The following NUDT5 variants were observed in gnomAD, a reference collection of about 807,000 sequenced individuals.
NUDT5 encodes the protein nudix hydrolase 5.
NUDT5 carries 21 observed loss-of-function variants against 34.1 expected under a neutral mutation model. The ratio of observed to expected loss-of-function variants is 0.62; its 90% CI spans 0.44 to 0.89. The LOEUF (loss-of-function observed/expected upper bound fraction) is 0.89, where lower values mean the gene tolerates loss of function less well. NUDT5 is among the 40% of genes least tolerant of loss of function. The pLI is 0.00. For synonymous variants in NUDT5, 85 were observed against 97.6 expected (o/e 0.87, Z 0.76); for missense variants, 249 against 274.8 (o/e 0.91, Z 0.66).
chr10:12,170,012 G>T lies in NUDT5; in HGVS notation c.550+705C>A. 2 of 1,087,008 alleles carry T rather than the reference G, an allele frequency of 1.8e-6. No individual in the cohort carries two copies. The highest frequency in any genetic ancestry group is 1.4e-5 in the South Asian group (1 of 72,712). The allele number at this position is 1,087,008 out of a possible 1,614,324, so 67.3% of individuals were successfully genotyped here. The stretch of plus-strand genomic sequence containing the variant: ...AAAGGGATTTGCCAGCCCATACAGA[G>T]GTGCTCCTTGAAGGGCCCATGGTAT... On this transcript the variant is annotated intron_variant, in intron 9 of 9. Coordinates refer to ENST00000491614, the MANE Select transcript of NUDT5 (RefSeq NM_014142.4). This position sits in a 1 kb window ranked among gnomAD's most constrained non-coding sequence, Gnocchi z 4.9.
intron 4 of NUDT5, among the ~76,000 whole-genome samples, chr10:12,178,585 A>G (rs1366470199): frequency 6.6e-6 from 1 of 152,218 alleles, no homozygotes; most frequent in African/African-American, 2.4e-5. Context: ...CCTCGACCAG[A>G]GTGATTCTCA....
intron 1 of NUDT5, among the ~76,000 whole-genome samples, chr10:12,192,855 G>GA (rs1025829953): frequency 1.3e-4 from 19 of 148,966 alleles, no homozygotes; most frequent in South Asian, 2.1e-4. Flanking sequence ...TGTCTCAAAA[G>GA]AAAAAAAAAG....
In NUDT5 at chr10:12,165,490, C is replaced by T. The variant is rs1221593265; in HGVS notation, c.*2212G>A. ...TGCCTGTAAAAGTCAAATGTAATTA[C>T]ACTTCAAACTTTAATCCTAAATTAT... On this transcript the variant is annotated 3_prime_UTR_variant, in exon 10 of 10. Coordinates refer to ENST00000491614, the MANE Select transcript of NUDT5 (RefSeq NM_014142.4). 3 of 396,618 alleles carry T rather than the reference C, an allele frequency of 7.6e-6. No individual in the cohort carries two copies. Among genetic ancestry groups the T allele is most frequent in the African/African-American group, 6.6e-5 (3 of 45,722 alleles). 24.6% of individuals were successfully genotyped at this position (396,618 alleles called of 1,614,324 possible). A position where few individuals can be genotyped will look rare whatever the true frequency, so the allele number is the denominator to read the frequency against.
intron 1 of NUDT5, 56 bp from the exon 2 acceptor site, chr10:12,186,388 G>A (rs1464907111): frequency 2.6e-5 from 25 of 966,770 alleles, no homozygotes; most frequent in African/African-American, 3.2e-5. Flanking sequence ...TTAAACATTC[G>A]TCCACAGGAC....
chr10:12,186,597 A>G (rs911063524), intron 1 of NUDT5, among the ~76,000 whole-genome samples: 2 of 147,206 alleles, frequency 1.4e-5, no homozygotes. Flanking sequence ...CTTAGAGGCC[A>G]CCCTTCTTCA....
chr10:12,185,433 G>C (rs1158019859), intron 2 of NUDT5, among the ~76,000 whole-genome samples: 1 of 152,220 alleles, frequency 6.6e-6, no homozygotes, highest in Non-Finnish European at 1.5e-5. Context: ...GTCCATCCAG[G>C]ATTGGATCTC....
intron 1 of NUDT5, among the ~76,000 whole-genome samples, chr10:12,194,892 T>G (rs1588665242): frequency 1.1e-4 from 1 of 8,870 alleles, no homozygotes; most frequent in Non-Finnish European, 1.9e-4. Flanking sequence ...CCCGGGGCCG[T>G]GGCTCACGCC....
chr10:12,165,898 TGTTATGACGTCC>T lies in NUDT5; in HGVS notation c.*1792_*1803del, dbSNP rs1426367628. On this transcript the variant is annotated 3_prime_UTR_variant, in exon 10 of 10. Coordinates refer to ENST00000491614, the MANE Select transcript of NUDT5 (RefSeq NM_014142.4). ...TGTTACCATAAAAACATCCACCCAG[TGTTATGACGTCC>T]GATTTTTTTTTCCCTTAAGAAGGTG... The T allele has an allele frequency of 6.6e-6, 1 of 152,148 alleles. No individual in the cohort carries two copies. The highest frequency in any genetic ancestry group is 2.4e-5 in the African/African-American group (1 of 41,406). 9.4% of individuals were successfully genotyped at this position (152,148 alleles called of 1,614,324 possible).
At position 12,167,859 on chromosome 10, in the gene NUDT5, C is replaced by G. The variant is rs187037649; in HGVS notation, c.551-48G>C. On this transcript the variant is annotated intron_variant, in intron 9 of 9. Coordinates refer to ENST00000491614, the MANE Select transcript of NUDT5 (RefSeq NM_014142.4). Reference sequence around the variant, plus strand: ...CTTAGATCATGCCGTTAAGGAAGGACAAAACATCTTATTCAATCAGTGTTT... The same window carrying G: ...CTTAGATCATGCCGTTAAGGAAGGAGAAAACATCTTATTCAATCAGTGTTT... The G allele has an allele frequency of 1.4e-5, 22 of 1,607,840 alleles. 1 individual carries two copies. The African/African-American group carries it at 2.8e-4, about 21-fold the overall frequency.
intron 3 of NUDT5, chr10:12,180,339 G>C (rs958425537): frequency 4.6e-5 from 7 of 152,186 alleles, no homozygotes; most frequent in Admixed American, 2.6e-4. Flanking sequence ...GTAGCAAGGA[G>C]CTGACCAACA....
Position 12,170,633 on chromosome 10 carries a change from A to G in NUDT5, c.550+84T>C, listed in dbSNP as rs1834834744. The G allele has an allele frequency of 8.1e-7, 1 of 1,239,586 alleles. No homozygotes were observed. Among genetic ancestry groups the G allele is most frequent in the African/African-American group, 1.5e-5 (1 of 67,340 alleles). The allele number at this position is 1,239,586 out of a possible 1,614,324, so 76.8% of individuals were successfully genotyped here. ...TTAGTGATACAAAAAAGATAAAGAAATGGAGTTATATTTAGTACCCAGTTT... is the reference window on the plus strand; with the variant it reads ...TTAGTGATACAAAAAAGATAAAGAAGTGGAGTTATATTTAGTACCCAGTTT... On this transcript the variant is annotated intron_variant, in intron 9 of 9. Transcript: ENST00000491614. The surrounding 1 kb of genome is among the most constrained non-coding windows in gnomAD (Gnocchi z 4.9).
At chr10:12,192,092 C>A (rs1835240247) in intron 1 of NUDT5, among the ~76,000 whole-genome samples, 2 of 152,046 alleles carry the variant, frequency 1.3e-5, no homozygotes, top group Non-Finnish European at 2.9e-5. Context: ...ATGCAGGAGC[C>A]CACATCATAA....
intron 1 of NUDT5, among the ~76,000 whole-genome samples, chr10:12,186,905 G>A (rs138625612): frequency 0.031 from 4,683 of 152,204 alleles, 132 homozygotes; most frequent in Non-Finnish European, 0.045. Flanking sequence ...GGGATTACAG[G>A]CGTGAGCTAC....
In NUDT5 at chr10:12,170,007, AC is replaced by A; in HGVS notation, c.550+709del. Reference sequence around the variant, plus strand: ...GAGTGAAAGGGATTTGCCAGCCCATACAGAGGTGCTCCTTGAAGGGCCCATG... The same window carrying A: ...GAGTGAAAGGGATTTGCCAGCCCATAAGAGGTGCTCCTTGAAGGGCCCATG... On this transcript the variant is annotated intron_variant, in intron 9 of 9. Coordinates refer to ENST00000491614, the MANE Select transcript of NUDT5 (RefSeq NM_014142.4). This position sits in a 1 kb window ranked among gnomAD's most constrained non-coding sequence, Gnocchi z 4.9. 9.8e-7 allele frequency: 1 copy of A among 1,021,958 alleles called. No homozygotes were observed. The highest frequency in any genetic ancestry group is 1.5e-6 in the Non-Finnish European group (1 of 663,362). 63.3% of individuals were successfully genotyped at this position (1,021,958 alleles called of 1,614,324 possible).
rs1835041422 is a variant in NUDT5 at position 12,181,592 on chromosome 10, T to G, written c.132-2460A>C. ...GGTCTCAGCCCTGTGTAGGGTGTTG[T>G]GGGGAACTGCTGCTGGGCATCCGGT... On this transcript the variant is annotated intron_variant, in intron 3 of 9. Transcript: ENST00000491614. The surrounding 1 kb of genome is among the most constrained non-coding windows in gnomAD (Gnocchi z 5.0). Among the ~76,000 whole-genome samples, 1 of 152,070 alleles carries G rather than the reference T, an allele frequency of 6.6e-6. No homozygotes were observed.
rs992695476 is a variant in NUDT5, at chr10:12,170,053, C to T, written c.550+664G>A. 1.3e-6 allele frequency: 2 copies of T among 1,540,104 alleles called. No individual in the cohort carries two copies. The highest frequency in any genetic ancestry group is 1.8e-6 in the Non-Finnish European group (2 of 1,114,382). Reference sequence around the variant, plus strand: ...CCCATGGTATGTCTCCATACAGTATCTCCTCGTCTCCACACAGTATCTCCT... The same window carrying T: ...CCCATGGTATGTCTCCATACAGTATTTCCTCGTCTCCACACAGTATCTCCT... On this transcript the variant is annotated intron_variant, in intron 9 of 9. Transcript: ENST00000491614. The surrounding 1 kb of genome is among the most constrained non-coding windows in gnomAD (Gnocchi z 4.9).
At chr10:12,186,365 TTA>T in intron 1 of NUDT5, 33 bp from the exon 2 acceptor site, 1 of 1,184,350 alleles carries the variant, frequency 8.4e-7, no homozygotes, top group Non-Finnish European at 1.3e-6. Context: ...CAGGCTAAAA[TTA>T]TTTTTCTGAA....
Position 12,167,800 on chromosome 10 carries a change from C to T in NUDT5, c.562G>A (p.Glu188Lys), listed in dbSNP as rs774584299. 1.9e-6 allele frequency: 3 copies of T among 1,614,070 alleles called. No individual in the cohort carries two copies. The highest frequency in any genetic ancestry group is 1.7e-6 in the Non-Finnish European group (2 of 1,180,008). Reference protein sequence around the residue: ...LLQRLDALVAEEHLTVDARVY... With the variant: ...LLQRLDALVAKEHLTVDARVY... The stretch of plus-strand genomic sequence containing the variant: ...CTGGCGTCCACTGTGAGATGTTCTT[C>T]AGCTACCAGAGCTGTGGAAAGCAAA... Residue 188 changes from glutamate to lysine, a missense_variant, in exon 10 of 10, where the codon GAA (glutamate) becomes AAA (lysine). By Grantham distance (56) the Glu-to-Lys change is moderately conservative (BLOSUM62 1). Coordinates refer to ENST00000491614, the MANE Select transcript of NUDT5 (RefSeq NM_014142.4).
intron 1 of NUDT5, among the ~76,000 whole-genome samples, chr10:12,192,219 G>A (rs1456627295): frequency 2.0e-5 from 3 of 151,930 alleles, no homozygotes; most frequent in Admixed American, 6.6e-5. Flanking sequence ...CAGGAGAATC[G>A]CTTGAACGAG....
Sources: allele counts gnomAD v4.1 joint callset (sites outside exome capture counted in the v4.1 genomes callset), GRCh38; gene constraint gnomAD v4.1.1; non-coding constraint Gnocchi (gnomAD v3.1); transcripts MANE v1.5; gene names NCBI Gene and HGNC (gene_info 2026-07-23, HGNC 2026-07-21).